Variants in KAZN observed in about 807,000 individuals in gnomAD.
The protein encoded by KAZN is kazrin, periplakin interacting protein, also known as kazrin.
In KAZN, 40 loss-of-function variants were observed where a neutral mutation model predicts 87.4. That is an observed-to-expected ratio of 0.46 (90% CI 0.36 to 0.60). The LOEUF (loss-of-function observed/expected upper bound fraction) is 0.60. Ranked by LOEUF, KAZN falls within the 20% of genes least tolerant of loss-of-function variation. The pLI is 0.00. For missense variants in KAZN, 898 were observed against 1,073.9 expected (o/e 0.84, Z 2.29); for synonymous variants, 466 against 458.3 (o/e 1.02, Z -0.22).
intron 2 of KAZN, among the ~76,000 whole-genome samples, chr1:14,342,080 G>T (rs773747569): frequency 6.6e-6 from 1 of 152,154 alleles, no homozygotes; most frequent in Non-Finnish European, 1.5e-5. Context: ...AGAACATGTG[G>T]TATTTGGTTT....
chr1:14,389,747 G>C (rs549854045), intron 2 of KAZN, among the ~76,000 whole-genome samples: 1 of 152,086 alleles, frequency 6.6e-6, no homozygotes, highest in African/African-American at 2.4e-5. Context: ...GAGTGGGGAT[G>C]GATAATGGGT....
At chr1:14,727,751 C>G (rs1369543067) in intron 1 of KAZN, among the ~76,000 whole-genome samples, 23 of 151,180 alleles carry the variant, frequency 1.5e-4, no homozygotes, top group Admixed American at 1.4e-3. Context: ...CAGGCGTGAG[C>G]CACCGCTTCG....
intron 2 of KAZN, among the ~76,000 whole-genome samples, chr1:14,291,790 C>T (rs1396067288): frequency 1.3e-5 from 2 of 152,136 alleles, no homozygotes; most frequent in African/African-American, 4.8e-5. Context: ...AGCAGCAGAC[C>T]AGAGCTGTTC....
At chr1:15,029,915 A>G (rs1008908394) in intron 2 of KAZN, among the ~76,000 whole-genome samples, 3 of 152,160 alleles carry the variant, frequency 2.0e-5, no homozygotes, top group Admixed American at 6.5e-5. Context: ...AGGAAGCCAC[A>G]GTGATAGCAT....
chr1:15,093,602 G>A (rs1251768134), intron 8 of KAZN, among the ~76,000 whole-genome samples: 1 of 152,112 alleles, frequency 6.6e-6, no homozygotes, highest in African/African-American at 2.4e-5. Context: ...GCAGGAAATC[G>A]ACATTTTTAC....
intron 1 of KAZN, among the ~76,000 whole-genome samples, chr1:14,700,670 A>C (rs1219282579): frequency 6.6e-6 from 1 of 152,064 alleles, no homozygotes; most frequent in East Asian, 1.9e-4. Flanking sequence ...GAAGTTGAGC[A>C]TGTATGCCTC....
At chr1:15,098,705 G>A (rs1640905023) in intron 10 of KAZN, among the ~76,000 whole-genome samples, 1 of 152,214 alleles carries the variant, frequency 6.6e-6, no homozygotes, top group Admixed American at 6.5e-5. Context: ...ACTGCCCCAG[G>A]ACCTTTTCAT....
chr1:14,649,690 AGT>A (rs1323642492), intron 1 of KAZN, among the ~76,000 whole-genome samples: 2 of 152,172 alleles, frequency 1.3e-5, no homozygotes, highest in Admixed American at 1.3e-4. Flanking sequence ...AATGCCTCCC[AGT>A]GTGTGGTTTA....
intron 2 of KAZN, among the ~76,000 whole-genome samples, chr1:14,523,962 A>G (rs1363652239): frequency 6.6e-6 from 1 of 152,068 alleles, no homozygotes; most frequent in Non-Finnish European, 1.5e-5. Flanking sequence ...TTGAAAGCGT[A>G]TATCCACGTG....
chr1:14,893,626 T>C (rs1300061922), intron 1 of KAZN, among the ~76,000 whole-genome samples: 1 of 152,058 alleles, frequency 6.6e-6, no homozygotes, highest in Non-Finnish European at 1.5e-5. Flanking sequence ...AAGGAGAGAA[T>C]TGGAAAATCT....
At chr1:14,210,708 T>C (rs919645515) in intron 2 of KAZN, among the ~76,000 whole-genome samples, 4 of 152,206 alleles carry the variant, frequency 2.6e-5, no homozygotes, top group African/African-American at 7.2e-5. Context: ...AATGTTTATT[T>C]ATTTTAAAAC....
rs765185811 is a variant in KAZN at position 13,974,702 on chromosome 1, T to TGAGGAAGCA, written c.91+80947_91+80955dup. On this transcript the variant is annotated intron_variant, in intron 1 of 16. Coordinates refer to the KAZN transcript ENST00000636203. ...GGACAGTTTCTCCCCTAGAGCTCCCTGAGGAAGCAAAGGAAGCAAGGTCCT... is the reference window on the plus strand; with the variant it reads ...GGACAGTTTCTCCCCTAGAGCTCCCTGAGGAAGCAGAGGAAGCAAAGGAAGCAAGGTCCT... Among the ~76,000 whole-genome samples, 96 of 152,186 alleles carry TGAGGAAGCA rather than the reference T, an allele frequency of 6.3e-4. 1 individual carries two copies. Among genetic ancestry groups the TGAGGAAGCA allele is most frequent in the Non-Finnish European group, 1.3e-3 (87 of 68,024 alleles).
intron 1 of KAZN, among the ~76,000 whole-genome samples, chr1:14,768,013 C>T (rs1215130559): frequency 1.3e-5 from 2 of 152,174 alleles, no homozygotes; most frequent in Non-Finnish European, 2.9e-5. Flanking sequence ...CACCTACGAG[C>T]TTTAGCTTTG....
At chr1:14,071,727 G>A (rs116064566) in intron 1 of KAZN, among the ~76,000 whole-genome samples, 1,647 of 152,332 alleles carry the variant, frequency 0.011, 26 homozygotes, top group South Asian at 0.066. Flanking sequence ...CATGAAGGAT[G>A]TGGTGCTTAG....
chr1:14,299,504 CA>C (rs1394353872), intron 2 of KAZN, among the ~76,000 whole-genome samples: 1 of 151,718 alleles, frequency 6.6e-6, no homozygotes, highest in Non-Finnish European at 1.5e-5. Flanking sequence ...AAGACTGTCT[CA>C]AAAAAAGAAA....
intron 1 of KAZN, among the ~76,000 whole-genome samples, chr1:14,065,833 T>A (rs1184665461): frequency 6.6e-6 from 1 of 152,204 alleles, no homozygotes; most frequent in Non-Finnish European, 1.5e-5. Flanking sequence ...TGAATATATA[T>A]ATAGGGTACA....
intron 1 of KAZN, among the ~76,000 whole-genome samples, chr1:14,128,494 C>T (rs1044778598): frequency 2.0e-5 from 3 of 152,150 alleles, no homozygotes; most frequent in Non-Finnish European, 2.9e-5. Context: ...TCTCTCTCCT[C>T]GGCTTGCAGA....
chr1:14,259,889 A>T (rs1402459456), intron 2 of KAZN, among the ~76,000 whole-genome samples: 1 of 152,202 alleles, frequency 6.6e-6, no homozygotes, highest in African/African-American at 2.4e-5. Context: ...CTGCAGAGAT[A>T]TTGATCACTC....
At chr1:14,881,187 G>A (rs983250994) in intron 1 of KAZN, among the ~76,000 whole-genome samples, 3 of 152,196 alleles carry the variant, frequency 2.0e-5, no homozygotes, top group Non-Finnish European at 4.4e-5. Flanking sequence ...TGCTCAGTCA[G>A]GTTAGGCTGA....
Sources: allele counts gnomAD v4.1 joint callset (sites outside exome capture counted in the v4.1 genomes callset), GRCh38; gene constraint gnomAD v4.1.1; transcripts MANE v1.5; gene names NCBI Gene and HGNC (gene_info 2026-07-23, HGNC 2026-07-21).